DCAF5: variants seen among roughly 807,000 people sequenced by gnomAD.
DCAF5 encodes DDB1- and CUL4-associated factor 5.
Under a neutral mutation model 80.7 loss-of-function variants are expected in DCAF5, and 9 were observed. That is an observed-to-expected ratio of 0.11 (90% CI 0.07 to 0.19). The LOEUF is 0.19. Among genes scored for constraint, DCAF5 ranks in the 10% least tolerant of loss-of-function variants. The probability of loss-of-function intolerance (pLI) is 1.00; values close to 1 mark genes in which losing one functional copy is unlikely to be tolerated. For synonymous variants in DCAF5, 433 were observed against 461.9 expected, an observed-to-expected ratio of 0.94 and a Z score of 0.80; for missense variants, 842 against 1,205.7, an observed-to-expected ratio of 0.70 and a Z score of 4.47.
At chr14:69,091,264 C>T (rs907452959) in intron 6 of DCAF5, 1 of 676,998 alleles carries the variant, frequency 1.5e-6, no homozygotes, top group Non-Finnish European at 2.7e-6. Flanking sequence ...ATTCAAGATA[C>T]ATGTCTCTTG....
chr14:69,114,642 C>T (rs1378636420), intron 5 of DCAF5, among the ~76,000 whole-genome samples: 1 of 152,116 alleles, frequency 6.6e-6, no homozygotes, highest in Non-Finnish European at 1.5e-5. Context: ...TAAAAACATA[C>T]AAGTAACAGA....
chr14:69,091,906 A>C lies in DCAF5; in HGVS notation c.666-19T>G. The C allele has an allele frequency of 6.3e-7, 1 of 1,595,544 alleles. No individual in the cohort carries two copies. The highest frequency in any genetic ancestry group is 8.6e-7 in the Non-Finnish European group (1 of 1,168,384). ...GAGAGAACTGGAAGGCACAAGGCAC[A>C]GGAATCAGGCATGAGATAGGCTAAA... On this transcript the variant is annotated intron_variant, in intron 5 of 8. Coordinates refer to ENST00000341516, the MANE Select transcript of DCAF5 (RefSeq NM_003861.3).
intron 7 of DCAF5, among the ~76,000 whole-genome samples, chr14:69,064,363 G>A (rs530528457): frequency 2.0e-5 from 3 of 152,204 alleles, no homozygotes; most frequent in Non-Finnish European, 4.4e-5. Flanking sequence ...GGGTGGTTAA[G>A]CAAAGAAACT....
chr14:69,058,745 C>T (rs1224048976), intron 8 of DCAF5, among the ~76,000 whole-genome samples: 1 of 151,298 alleles, frequency 6.6e-6, no homozygotes, highest in Non-Finnish European at 1.5e-5. Flanking sequence ...TGGTGGTGTA[C>T]ACCTGAAGTC....
chr14:69,076,507 G>A (rs10145565), intron 6 of DCAF5, among the ~76,000 whole-genome samples: 47,226 of 152,128 alleles, frequency 0.31, 9,568 homozygotes, highest in East Asian at 0.9. Context: ...AAACCGTGAC[G>A]TTATACTAAA....
intron 5 of DCAF5, among the ~76,000 whole-genome samples, chr14:69,094,560 C>T (rs1017983178): frequency 2.7e-4 from 41 of 152,282 alleles, no homozygotes; most frequent in African/African-American, 9.6e-4. Context: ...AATTCTATTC[C>T]TTCCAGAGGG....
At chr14:69,109,155 CAAGGTG>C (rs1216255502) in intron 5 of DCAF5, among the ~76,000 whole-genome samples, 1 of 151,940 alleles carries the variant, frequency 6.6e-6, no homozygotes, top group Non-Finnish European at 1.5e-5. Flanking sequence ...TCCTGGCTAA[CAAGGTG>C]AAACCCCATA....
At chr14:69,106,221 T>C (rs1346050920) in intron 5 of DCAF5, among the ~76,000 whole-genome samples, 2 of 151,238 alleles carry the variant, frequency 1.3e-5, no homozygotes, top group African/African-American at 2.4e-5. Context: ...TACGCCCGGC[T>C]AATTTTGTAT....
intron 5 of DCAF5, among the ~76,000 whole-genome samples, chr14:69,106,137 A>C (rs1010847335): frequency 2.7e-5 from 4 of 148,864 alleles, no homozygotes; most frequent in African/African-American, 9.9e-5. Flanking sequence ...GCTCACTGCA[A>C]CCTCTGCCTC....
chr14:69,068,944 C>T (rs982327796), intron 7 of DCAF5, among the ~76,000 whole-genome samples: 4 of 152,306 alleles, frequency 2.6e-5, no homozygotes, highest in East Asian at 3.9e-4. Context: ...ACAGCCAATG[C>T]TGTCAGTACA....
chr14:69,076,176 C>T (rs1295105762), intron 6 of DCAF5, among the ~76,000 whole-genome samples: 1 of 151,818 alleles, frequency 6.6e-6, no homozygotes, highest in East Asian at 1.9e-4. Flanking sequence ...AACCCTTGTG[C>T]ATTGCTGGTG....
At chr14:69,129,449 G>C (rs1257705982) in intron 1 of DCAF5, among the ~76,000 whole-genome samples, 1 of 152,206 alleles carries the variant, frequency 6.6e-6, no homozygotes, top group Non-Finnish European at 1.5e-5. Flanking sequence ...TCACCCAGCA[G>C]AGGGCGCTAA....
intron 1 of DCAF5, among the ~76,000 whole-genome samples, chr14:69,145,251 C>A (rs2041503493): frequency 1.3e-5 from 2 of 152,234 alleles, no homozygotes; most frequent in Non-Finnish European, 2.9e-5. Flanking sequence ...CTCCGGGGCT[C>A]AAGTGATCCT....
chr14:69,140,437 T>G (rs1400444383), intron 1 of DCAF5, among the ~76,000 whole-genome samples: 1 of 152,302 alleles, frequency 6.6e-6, no homozygotes, highest in South Asian at 2.1e-4. Context: ...CCTATAACAT[T>G]TTTTTCTTGC....
At chr14:69,116,959 G>A (rs138921999) in intron 4 of DCAF5, among the ~76,000 whole-genome samples, 1 of 152,122 alleles carries the variant, frequency 6.6e-6, no homozygotes, top group African/African-American at 2.4e-5. Context: ...AAATTAAGAC[G>A]TGGTGAAACA....
At chr14:69,100,823 T>C (rs1594997178) in intron 5 of DCAF5, among the ~76,000 whole-genome samples, 1 of 152,174 alleles carries the variant, frequency 6.6e-6, no homozygotes, top group South Asian at 2.1e-4. Flanking sequence ...ATTGAGAGTA[T>C]ACTAAGAAGT....
At chr14:69,056,442 C>T (rs1297733627) in intron 8 of DCAF5, among the ~76,000 whole-genome samples, 1 of 152,190 alleles carries the variant, frequency 6.6e-6, no homozygotes, top group African/African-American at 2.4e-5. Context: ...GTCTGCCTGA[C>T]TTAAAGGCTT....
intron 6 of DCAF5, among the ~76,000 whole-genome samples, chr14:69,080,298 T>C (rs370046921): frequency 1.3e-5 from 2 of 152,178 alleles, no homozygotes; most frequent in African/African-American, 2.4e-5. Flanking sequence ...TGGTTAGTGC[T>C]TAAGAGGACC....
At chr14:69,126,730 C>G (rs1437721875) in intron 1 of DCAF5, among the ~76,000 whole-genome samples, 2 of 152,092 alleles carry the variant, frequency 1.3e-5, no homozygotes, top group Admixed American at 1.3e-4. Context: ...TGGAACAAAA[C>G]AGAGGGGCCA....
Sources: allele counts gnomAD v4.1 joint callset (sites outside exome capture counted in the v4.1 genomes callset), GRCh38; gene constraint gnomAD v4.1.1; transcripts MANE v1.5; gene names NCBI Gene and HGNC (gene_info 2026-07-23, HGNC 2026-07-21).